Variants in AFP observed in about 807,000 individuals in gnomAD.
AFP encodes alpha-fetoprotein.
A neutral mutation model predicts 78.9 loss-of-function variants in AFP; 64 were observed. That is an observed-to-expected ratio of 0.81 (90% CI 0.66 to 1.00). The LOEUF (loss-of-function observed/expected upper bound fraction) is 1.00, where lower values mean the gene tolerates loss of function less well. Ranked by LOEUF, AFP falls within the 50% of genes least tolerant of loss-of-function variation. The pLI is 0.00. For synonymous variants in AFP, 254 were observed against 243.8 expected, an observed-to-expected ratio of 1.04 and a Z score of -0.39; for missense variants, 689 against 703.8, an observed-to-expected ratio of 0.98 and a Z score of 0.24.
At chr4:73,440,911 G>C (rs948281480) in intron 4 of AFP, 98 bp downstream of exon 4, 1 of 1,120,034 alleles carries the variant, frequency 8.9e-7, no homozygotes, top group African/African-American at 1.6e-5. Context: ...CTCCCAGTAA[G>C]AGGTATAATG....
chr4:73,454,001 A>G, intron 13 of AFP, 104 bp downstream of exon 13: 1 of 1,391,480 alleles, frequency 7.2e-7, no homozygotes, highest in South Asian at 1.3e-5. Context: ...ATATTTTCAG[A>G]GAGATTTAAA....
In AFP at chr4:73,443,458, C is replaced by T. The variant is rs367614129; in HGVS notation, c.713+14C>T. 6 of 1,576,138 alleles carry T rather than the reference C, an allele frequency of 3.8e-6. No individual in the cohort carries two copies. The highest frequency in any genetic ancestry group is 5.2e-6 in the Non-Finnish European group (6 of 1,145,612). On this transcript the variant is annotated intron_variant, in intron 6 of 14. Coordinates refer to ENST00000395792, the MANE Select transcript of AFP (RefSeq NM_001134.3). ...TTTCCAAGCCATGTAAGTTCAAGTT[C>T]TATCTAGGGAAGAGGGTGAGAGCTA... is the stretch of plus-strand genomic sequence containing the variant.
intron 3 of AFP, among the ~76,000 whole-genome samples, chr4:73,438,807 C>T (rs765282101): frequency 2.0e-5 from 3 of 152,046 alleles, no homozygotes; most frequent in Non-Finnish European, 2.9e-5. Flanking sequence ...GATGCTGGCT[C>T]GGGCTTCTGG....
chr4:73,450,069 C>A lies in AFP; in HGVS notation c.1225C>A (p.Gln409Lys). ...ATTACAGAAATACATCCAGGAGAGC[C>A]AAGCATTGGCAAAGCGAAGCTGCGG... The part of the protein sequence containing the change: ...EELQKYIQES[Q>K]ALAKRSCGLF... The change falls in exon 10 of 15, where the codon CAA becomes AAA. Residue 409 changes from glutamine to lysine, a missense_variant. Gln to Lys is a moderately conservative substitution (Grantham distance 53). Transcript: ENST00000395792. The A allele has an allele frequency of 2.5e-6, 4 of 1,613,584 alleles. No individual in the cohort carries two copies. The highest frequency in any genetic ancestry group is 3.4e-6 in the Non-Finnish European group (4 of 1,179,634).
rs1577957659 is a variant in AFP, at chr4:73,449,344, T to C, written c.1068T>C (p.His356=). The part of the protein sequence containing the change: ...EKNIFLASFV[H]EYSRRHPQLA... Reference sequence around the variant, plus strand: ...TCTCCACATATTTCAGTTTTGTTCATGAATATTCAAGAAGACATCCTCAGC... The same window carrying C: ...TCTCCACATATTTCAGTTTTGTTCACGAATATTCAAGAAGACATCCTCAGC... Residue 356 remains histidine, a synonymous_variant, in exon 9 of 15, where the codon CAT becomes CAC. Transcript: ENST00000395792. The C allele has an allele frequency of 1.2e-6, 2 of 1,612,968 alleles. No individual in the cohort carries two copies. Among genetic ancestry groups the C allele is most frequent in the Non-Finnish European group, 1.7e-6 (2 of 1,179,412 alleles).
chr4:73,455,378 T>A, intron 14 of AFP, 88 bp downstream of exon 14: 1 of 1,083,276 alleles, frequency 9.2e-7, no homozygotes, highest in Non-Finnish European at 1.4e-6. Context: ...GGAGTGCCAT[T>A]AATTCTCTTA....
rs774664708 is a variant in AFP, at chr4:73,450,037, A to T, written c.1193A>T (p.Glu398Val). The T allele has an allele frequency of 1.2e-6, 2 of 1,611,072 alleles. No homozygotes were observed. The change falls in exon 10 of 15, where the codon GAA becomes GTA. Residue 398 changes from glutamate (E) to valine (V), a missense_variant and splice_region_variant. Glu to Val is a moderately radical substitution (Grantham distance 121). Coordinates refer to ENST00000395792, the MANE Select transcript of AFP (RefSeq NM_001134.3). ...ENPLECQDKG[E>V]EELQKYIQES... ...TATGTAATAATTCTTCATTTTCAGG[A>T]AGAAGAATTACAGAAATACATCCAG...
rs1271793480 is a variant in AFP, at chr4:73,455,628, C to A, written c.*11-3C>A. 6 of 692,800 alleles carry A rather than the reference C, an allele frequency of 8.7e-6. No individual in the cohort carries two copies. Among genetic ancestry groups the A allele is most frequent in the Non-Finnish European group, 1.6e-5 (6 of 382,438 alleles). 42.9% of individuals were successfully genotyped at this position (692,800 alleles called of 1,614,324 possible). A position where few individuals can be genotyped will look rare whatever the true frequency, so the allele number is the denominator to read the frequency against. Reference sequence around the variant, plus strand: ...ATTTAATATATTTTTGCTCATATTGCAGGGGAAGAGAAGACAAAACGAGTC... The same window carrying A: ...ATTTAATATATTTTTGCTCATATTGAAGGGGAAGAGAAGACAAAACGAGTC... On this transcript the variant is annotated splice_polypyrimidine_tract_variant and splice_region_variant and intron_variant, in intron 14 of 14. Transcript: ENST00000395792.
chr4:73,443,481 C>T lies in AFP; in HGVS notation c.713+37C>T, dbSNP rs370022781. 27 of 1,487,452 alleles carry T rather than the reference C, an allele frequency of 1.8e-5. No homozygotes were observed. The African/African-American group carries it at 3.5e-4, about 19-fold the overall frequency. The allele number at this position is 1,487,452 out of a possible 1,614,324, so 92.1% of individuals were successfully genotyped here. A position where few individuals can be genotyped will look rare whatever the true frequency, so the allele number is the denominator to read the frequency against. On this transcript the variant is annotated intron_variant, in intron 6 of 14. Coordinates refer to ENST00000395792, the MANE Select transcript of AFP (RefSeq NM_001134.3). ...TTCTATCTAGGGAAGAGGGTGAGAG[C>T]TACAGAACTACCATTTTGCAATTTG...
chr4:73,437,218 T>A lies in AFP; in HGVS notation c.137+7T>A. 1.2e-6 allele frequency: 2 copies of A among 1,601,918 alleles called. No individual in the cohort carries two copies. Among genetic ancestry groups the A allele is most frequent in the Non-Finnish European group, 1.7e-6 (2 of 1,169,694 alleles). The stretch of plus-strand genomic sequence containing the variant: ...AGATAAGTTTAGCTGACCTGTAAGT[T>A]TTGCTTATATAAATGTACTTTAAAT... On this transcript the variant is annotated splice_region_variant and intron_variant, in intron 2 of 14. Transcript: ENST00000395792.
At chr4:73,436,726 T>C (rs1005245709) in intron 1 of AFP, among the ~76,000 whole-genome samples, 2 of 151,816 alleles carry the variant, frequency 1.3e-5, no homozygotes, top group Non-Finnish European at 3.0e-5. Context: ...ACTAGTAAAA[T>C]AGATAAAATC....
chr4:73,452,711 G>A (rs1203193217), intron 12 of AFP, 87 bp downstream of exon 12: 1 of 1,074,090 alleles, frequency 9.3e-7, no homozygotes, highest in Non-Finnish European at 1.4e-6. Flanking sequence ...TAACACTATT[G>A]GGCTCACTAA....
Position 73,452,520 on chromosome 4 carries a change from G to T in AFP, c.1548G>T (p.Val516=). Residue 516 remains valine (V), a synonymous_variant, in exon 12 of 15, where the codon GTG becomes GTT. Transcript: ENST00000395792. ...GGAGGCCATGCTTCAGCAGCTTGGT[G>T]GTGGATGAAACATATGTCCCTCCTG... ...ANRRPCFSSL[V]VDETYVPPAF... is the part of the protein sequence containing the mutation. 6.2e-7 allele frequency: 1 copy of T among 1,614,058 alleles called. No homozygotes were observed. Among genetic ancestry groups the T allele is most frequent in the South Asian group, 1.1e-5 (1 of 91,086 alleles).
chr4:73,444,586 T>C (rs1242907567), intron 6 of AFP, among the ~76,000 whole-genome samples: 1 of 152,228 alleles, frequency 6.6e-6, no homozygotes, highest in East Asian at 1.9e-4. Context: ...CCTCCTTTCC[T>C]GGATTCTCAG....
At chr4:73,453,223 C>T (rs1720057804) in intron 12 of AFP, among the ~76,000 whole-genome samples, 2 of 152,042 alleles carry the variant, frequency 1.3e-5, no homozygotes, top group African/African-American at 4.8e-5. Context: ...CTCTTTTTTC[C>T]TCTATCACAG....
At position 73,450,130 on chromosome 4, in the gene AFP, A is replaced by C; in HGVS notation, c.1286A>C (p.Asn429Thr). The change falls in exon 10 of 15, where the codon AAT becomes ACT. Residue 429 changes from asparagine (N) to threonine (T), a missense_variant. Transcript: ENST00000395792. ...AAACTAGGAGAATATTACTTACAAA[A>C]TGCGTATGTTTTTGTAAACAGTATT... ...FQKLGEYYLQNAFLVAYTKKA... is the reference protein window; with the variant it reads ...FQKLGEYYLQTAFLVAYTKKA... The C allele has an allele frequency of 6.2e-7, 1 of 1,608,986 alleles. No homozygotes were observed. The highest frequency in any genetic ancestry group is 8.5e-7 in the Non-Finnish European group (1 of 1,175,768).
chr4:73,454,077 T>C (rs1421263733), intron 13 of AFP, among the ~76,000 whole-genome samples, 180 bp downstream of exon 13: 1 of 151,750 alleles, frequency 6.6e-6, no homozygotes, highest in African/African-American at 2.4e-5. Context: ...TCTTGCTTAA[T>C]ATTAGGAAAA....
rs1343194572 is a variant in AFP, at chr4:73,455,685, T to A, written c.*65T>A. 1 of 696,086 alleles carries A rather than the reference T, an allele frequency of 1.4e-6. No homozygotes were observed. The highest frequency in any genetic ancestry group is 2.6e-6 in the Non-Finnish European group (1 of 383,258). The allele number at this position is 696,086 out of a possible 1,614,324, so 43.1% of individuals were successfully genotyped here. ...TCGGTGTGAACTTTTCTCTTTAATT[T>A]TAACTGATTTAACACTTTTTGTGAA... On this transcript the variant is annotated 3_prime_UTR_variant, in exon 15 of 15. Coordinates refer to ENST00000395792, the MANE Select transcript of AFP (RefSeq NM_001134.3).
At chr4:73,446,632 AAAGTTTG>A (rs1719836623) in intron 7 of AFP, among the ~76,000 whole-genome samples, 1 of 6,416 alleles carries the variant, frequency 1.6e-4, no homozygotes, top group East Asian at 5.5e-3. Flanking sequence ...CGTGGAGCAG[AAAGTTTG>A]CTCTCCATGT....
Sources: gnomAD v4.1 joint callset for allele counts (sites outside exome capture counted in the v4.1 genomes callset) on GRCh38, gnomAD v4.1.1 for gene constraint, MANE v1.5 for transcripts, NCBI Gene and HGNC (gene_info 2026-07-23, HGNC 2026-07-21) for gene names.